FBXL17: variants seen among roughly 807,000 people sequenced by gnomAD.
FBXL17 encodes the protein F-box/LRR-repeat protein 17.
In FBXL17, 22 loss-of-function variants were observed where a neutral mutation model predicts 66.2. The observed-to-expected ratio is 0.33, with a 90% confidence interval of 0.24 to 0.47. The LOEUF is 0.47. FBXL17 is among the 20% of genes least tolerant of loss of function. The pLI is 1.00. For missense variants in FBXL17, 878 were observed against 948.2 expected, an observed-to-expected ratio of 0.93 and a Z score of 0.97; for synonymous variants, 474 against 400.5, an observed-to-expected ratio of 1.18 and a Z score of -2.19.
At chr5:108,090,888 G>A (rs1429322615) in intron 6 of FBXL17, among the ~76,000 whole-genome samples, 3 of 151,308 alleles carry the variant, frequency 2.0e-5, no homozygotes, top group African/African-American at 7.3e-5. Flanking sequence ...GTTTTCAAAT[G>A]CCTGGTTGTA....
intron 6 of FBXL17, among the ~76,000 whole-genome samples, chr5:108,081,015 A>G (rs1180160603): frequency 2.0e-5 from 3 of 152,206 alleles, no homozygotes; most frequent in African/African-American, 7.2e-5. Flanking sequence ...ACAGCCTTGT[A>G]AGGGCATTTC....
chr5:107,931,851 G>A (rs1023351531), intron 7 of FBXL17, among the ~76,000 whole-genome samples: 3 of 151,892 alleles, frequency 2.0e-5, no homozygotes, highest in African/African-American at 4.8e-5. Flanking sequence ...ACTACCACTC[G>A]GTATTATATT....
At chr5:107,965,846 G>C (rs1283075159) in intron 7 of FBXL17, among the ~76,000 whole-genome samples, 1 of 152,016 alleles carries the variant, frequency 6.6e-6, no homozygotes, top group African/African-American at 2.4e-5. Flanking sequence ...ATACAAATAT[G>C]AATTACACAT....
At chr5:108,057,356 G>C (rs1747748580) in intron 6 of FBXL17, among the ~76,000 whole-genome samples, 1 of 152,130 alleles carries the variant, frequency 6.6e-6, no homozygotes, top group Admixed American at 6.5e-5. Flanking sequence ...AAGCATGACA[G>C]AAGAAATAGT....
At chr5:108,038,219 G>A (rs1434284766) in intron 6 of FBXL17, among the ~76,000 whole-genome samples, 1 of 151,892 alleles carries the variant, frequency 6.6e-6, no homozygotes, top group African/African-American at 2.4e-5. Context: ...TTTTGAGACA[G>A]GAAAAATTTA....
intron 5 of FBXL17, among the ~76,000 whole-genome samples, chr5:108,193,357 G>A (rs946682119): frequency 2.6e-5 from 4 of 152,112 alleles, no homozygotes; most frequent in South Asian, 2.1e-4. Context: ...GACAGGGAGA[G>A]TGACTCAAGG....
chr5:108,121,854 G>T (rs187063010), intron 6 of FBXL17, among the ~76,000 whole-genome samples: 262 of 152,142 alleles, frequency 1.7e-3, no homozygotes, highest in African/African-American at 6.1e-3. Context: ...ACCGCGCTCG[G>T]CCCAAAAATA....
intron 5 of FBXL17, among the ~76,000 whole-genome samples, chr5:108,223,642 T>A (rs955005545): frequency 5.9e-5 from 9 of 152,198 alleles, no homozygotes; most frequent in African/African-American, 2.2e-4. Flanking sequence ...TCTAAAAATA[T>A]GAAATTTCAT....
intron 6 of FBXL17, among the ~76,000 whole-genome samples, chr5:108,053,440 A>C (rs1747560743): frequency 6.6e-6 from 1 of 152,202 alleles, no homozygotes; most frequent in Non-Finnish European, 1.5e-5. Context: ...AACATATGAA[A>C]AAAAGCTCAA....
At chr5:107,870,718 T>C (rs1748417047) in intron 8 of FBXL17, among the ~76,000 whole-genome samples, 1 of 151,888 alleles carries the variant, frequency 6.6e-6, no homozygotes. Context: ...CCCAAGTAGC[T>C]GGGACTACAG....
chr5:107,901,256 C>T (rs1213932315), intron 7 of FBXL17, among the ~76,000 whole-genome samples: 1 of 152,188 alleles, frequency 6.6e-6, no homozygotes, highest in Non-Finnish European at 1.5e-5. Context: ...TGGGTTACTT[C>T]ATGTGAAATT....
chr5:107,964,725 C>T (rs549158412), intron 7 of FBXL17, among the ~76,000 whole-genome samples: 2 of 152,286 alleles, frequency 1.3e-5, no homozygotes, highest in East Asian at 3.9e-4. Flanking sequence ...AGGCTACATT[C>T]ACCCAGGTAT....
At chr5:108,011,244 T>A (rs1030138450) in intron 7 of FBXL17, among the ~76,000 whole-genome samples, 2 of 152,222 alleles carry the variant, frequency 1.3e-5, no homozygotes, top group Non-Finnish European at 2.9e-5. Context: ...CAACATCAGC[T>A]GGTGAGGACA....
At position 108,133,038 on chromosome 5, in the gene FBXL17, G is replaced by A. The variant is rs934429899; in HGVS notation, c.1745+53079C>T. 4.6e-5 allele frequency among the ~76,000 whole-genome samples: 7 copies of A among 152,220 alleles called. No individual in the cohort carries two copies. The East Asian group carries it at 1.2e-3, about 25-fold the overall frequency. On this transcript the variant is annotated intron_variant, in intron 6 of 8. Transcript: ENST00000542267. ...AAGTGTGATAAATACCCACTCCAAC[G>A]CATATTGGGAAACAATAATCGTCAT...
intron 7 of FBXL17, among the ~76,000 whole-genome samples, chr5:107,950,345 C>G (rs1233688940): frequency 6.6e-6 from 1 of 152,106 alleles, no homozygotes; most frequent in South Asian, 2.1e-4. Flanking sequence ...GTAATCTTTA[C>G]AAATATCTTC....
chr5:108,124,897 G>C lies in FBXL17; in HGVS notation c.1745+61220C>G, dbSNP rs187199961. ...CATAGTAAAAAATTTAGCTAACATA[G>C]CTTTACAACTTCACAATTTAACCGC... On this transcript the variant is annotated intron_variant, in intron 6 of 8. Transcript: ENST00000542267. Among the ~76,000 whole-genome samples, 898 of 152,046 alleles carry C rather than the reference G, an allele frequency of 5.9e-3. 8 individuals carry two copies. The highest frequency in any genetic ancestry group is 8.4e-3 in the Non-Finnish European group (569 of 67,892).
chr5:108,063,928 T>C (rs1003738798), intron 6 of FBXL17, among the ~76,000 whole-genome samples: 5 of 152,148 alleles, frequency 3.3e-5, no homozygotes, highest in Admixed American at 6.5e-5. Context: ...TCATATTATC[T>C]CTTGGAGATA....
At chr5:108,138,920 T>C (rs1751247466) in intron 6 of FBXL17, among the ~76,000 whole-genome samples, 1 of 152,160 alleles carries the variant, frequency 6.6e-6, no homozygotes, top group Non-Finnish European at 1.5e-5. Flanking sequence ...GAGAGCCACA[T>C]AAGAACTAAA....
intron 7 of FBXL17, among the ~76,000 whole-genome samples, chr5:107,953,711 C>A (rs143534730): frequency 1.2e-4 from 19 of 152,298 alleles, no homozygotes; most frequent in Admixed American, 1.0e-3. Flanking sequence ...GTAATCCCTG[C>A]ATGAAATCGT....
Sources: allele counts gnomAD v4.1 joint callset (sites outside exome capture counted in the v4.1 genomes callset), GRCh38; gene constraint gnomAD v4.1.1; transcripts MANE v1.5; gene names NCBI Gene and HGNC (gene_info 2026-07-23, HGNC 2026-07-21).